The following REEP1 variants were observed in gnomAD, a reference collection of about 807,000 sequenced individuals.
The protein encoded by REEP1 is receptor expression-enhancing protein 1.
In REEP1, 22 loss-of-function variants were observed where a neutral mutation model predicts 40.3. That is an observed-to-expected ratio of 0.55 (90% confidence interval 0.39 to 0.78). The LOEUF (loss-of-function observed/expected upper bound fraction) is 0.78. Among genes scored for constraint, REEP1 ranks in the 30% least tolerant of loss-of-function variants. REEP1 has a pLI of 0.00. For missense variants in REEP1, 280 were observed against 361.1 expected (o/e 0.78, Z 1.82); for synonymous variants, 116 against 139.2 (o/e 0.83, Z 1.17).
Position 86,219,989 on chromosome 2 carries a change from C to T in REEP1, c.764G>A (p.Arg255Lys), listed in dbSNP as rs371463001. The change falls in exon 8 of 9, where the codon AGG becomes AAG. Residue 255 changes from arginine (R) to lysine (K), a missense_variant. This residue lies in a region of REEP1 where 201 missense variants were observed against 238.5 expected (regional missense o/e 0.84). Transcript: ENST00000538924. ...GTGTACCTCCAGGGGCAATTCCATC[C>T]TTCGAGGTGCTTTATACTTGTACAT... ...DFMYKYKAPR[R>K]MELPLEAPPR... 5.8e-5 allele frequency: 72 copies of T among 1,232,080 alleles called. 2 individuals are homozygous for T. The highest frequency in any genetic ancestry group is 5.7e-4 in the East Asian group (18 of 31,714). 76.3% of individuals were successfully genotyped at this position (1,232,080 alleles called of 1,614,324 possible).
At chr2:86,311,656 G>A (rs1332330379) in intron 1 of REEP1, among the ~76,000 whole-genome samples, 3 of 152,100 alleles carry the variant, frequency 2.0e-5, no homozygotes, top group Non-Finnish European at 4.4e-5. Context: ...TCACTGGATT[G>A]GGACTAACCC....
intron 3 of REEP1, among the ~76,000 whole-genome samples, chr2:86,256,830 T>A (rs1328552736): frequency 1.3e-5 from 2 of 152,186 alleles, no homozygotes; most frequent in Non-Finnish European, 2.9e-5. Flanking sequence ...GATGAGACAG[T>A]CACCTGTCCT....
chr2:86,290,057 C>T (rs1331602715), intron 1 of REEP1, among the ~76,000 whole-genome samples: 1 of 152,132 alleles, frequency 6.6e-6, no homozygotes, highest in East Asian at 1.9e-4. Context: ...AGTGCAGCGG[C>T]ACAATCTCAG....
intron 3 of REEP1, 162 bp from the exon 4 acceptor site, chr2:86,254,976 C>T: frequency 4.3e-6 from 3 of 694,848 alleles, no homozygotes; most frequent in Middle Eastern, 2.6e-4. Flanking sequence ...AGGGCACACA[C>T]TTGCACACAC....
intron 7 of REEP1, among the ~76,000 whole-genome samples, chr2:86,226,847 C>A (rs988551455): frequency 1.3e-5 from 2 of 151,980 alleles, no homozygotes; most frequent in African/African-American, 4.8e-5. Context: ...AATTCTCCTC[C>A]CCTTGAATGT....
intron 1 of REEP1, among the ~76,000 whole-genome samples, chr2:86,302,959 T>C (rs1270259528): frequency 6.6e-6 from 1 of 152,208 alleles, no homozygotes; most frequent in Non-Finnish European, 1.5e-5. Flanking sequence ...CTCACTGAGT[T>C]CAAGTGTAGC....
chr2:86,275,022 C>T (rs928590200), intron 2 of REEP1, among the ~76,000 whole-genome samples: 1 of 152,194 alleles, frequency 6.6e-6, no homozygotes, highest in Non-Finnish European at 1.5e-5. Flanking sequence ...ACTTCTTTAG[C>T]CTCACCTCAC....
At chr2:86,243,850 A>C (rs1675796842) in intron 5 of REEP1, among the ~76,000 whole-genome samples, 1 of 152,238 alleles carries the variant, frequency 6.6e-6, no homozygotes, top group African/African-American at 2.4e-5. Flanking sequence ...GGCTAACTTG[A>C]TGTGAGCTAG....
intron 2 of REEP1, among the ~76,000 whole-genome samples, chr2:86,277,146 G>C (rs751556214): frequency 6.6e-6 from 1 of 152,172 alleles, no homozygotes; most frequent in Non-Finnish European, 1.5e-5. Context: ...GGTGCTAACT[G>C]ATCCTAATTA....
At chr2:86,312,512 T>G (rs1227207265) in intron 1 of REEP1, among the ~76,000 whole-genome samples, 1 of 152,188 alleles carries the variant, frequency 6.6e-6, no homozygotes, top group East Asian at 1.9e-4. Flanking sequence ...ATCAGACAGA[T>G]TTGAATTTGC....
At position 86,258,733 on chromosome 2, in the gene REEP1, T is replaced by C. The variant is rs147740360; in HGVS notation, c.183-3919A>G. On this transcript the variant is annotated intron_variant, in intron 3 of 8. Coordinates refer to ENST00000538924, the MANE Select transcript of REEP1 (RefSeq NM_001371279.1). ...AGAGACAGAGAAAGGCCCTACTCAT[T>C]TTGTAATGAGAACTCCTTGAAGAGC... is the stretch of plus-strand genomic sequence containing the variant. Among the ~76,000 whole-genome samples the C allele has an allele frequency of 4.2e-3, 637 of 152,308 alleles. 10 individuals are homozygous for C. The highest frequency in any genetic ancestry group is 0.015 in the African/African-American group (617 of 41,558).
At chr2:86,238,923 T>C (rs1675510045) in intron 5 of REEP1, among the ~76,000 whole-genome samples, 1 of 152,036 alleles carries the variant, frequency 6.6e-6, no homozygotes. Flanking sequence ...TATACCTTGT[T>C]CATGGCCAGG....
chr2:86,265,925 C>T (rs540380414), intron 2 of REEP1, among the ~76,000 whole-genome samples: 2 of 151,956 alleles, frequency 1.3e-5, no homozygotes, highest in South Asian at 2.1e-4. Context: ...ACTTGTACCC[C>T]CTAAAGCTAT....
In REEP1 at chr2:86,226,105, CCACCACCACCATCAT is replaced by C. The variant is rs1208434363; in HGVS notation, c.631+1243_631+1257del. ...ACCACCACCACCACCACCACCACCA[CCACCACCACCATCAT>C]CACCACCACCACCACCACCATCATC... On this transcript the variant is annotated intron_variant, in intron 7 of 8. Transcript: ENST00000538924. Among the ~76,000 whole-genome samples the C allele has an allele frequency of 5.4e-4, 80 of 147,568 alleles. 1 individual carries two copies. The highest frequency in any genetic ancestry group is 6.4e-4 in the South Asian group (3 of 4,660).
intron 8 of REEP1, among the ~76,000 whole-genome samples, chr2:86,217,965 G>A (rs1674216304): frequency 6.6e-6 from 1 of 151,904 alleles, no homozygotes; most frequent in Non-Finnish European, 1.5e-5. Flanking sequence ...AGCACTTGAG[G>A]GGGTTCACAC....
chr2:86,312,957 C>G (rs534030749), intron 1 of REEP1, among the ~76,000 whole-genome samples: 3 of 152,150 alleles, frequency 2.0e-5, no homozygotes, highest in Admixed American at 1.3e-4. Context: ...TCAGTTCAGA[C>G]GGGAACCCCA....
intron 1 of REEP1, among the ~76,000 whole-genome samples, chr2:86,325,945 T>G (rs369896355): frequency 2.0e-5 from 3 of 152,362 alleles, no homozygotes; most frequent in African/African-American, 4.8e-5. Context: ...CTGCCTTCTC[T>G]TCTCTCCAAC....
intron 3 of REEP1, among the ~76,000 whole-genome samples, chr2:86,256,702 T>C (rs1019027850): frequency 2.0e-5 from 3 of 152,168 alleles, no homozygotes; most frequent in Non-Finnish European, 4.4e-5. Flanking sequence ...TGTGCCTCTG[T>C]TTCTAGGAAT....
Position 86,219,954 on chromosome 2 carries a change from C to T in REEP1, c.783+16G>A. Reference sequence around the variant, plus strand: ...GGACAAACACACTCCAACCCACAGCCCCAGACACTGTGTACCTCCAGGGGC... The same window carrying T: ...GGACAAACACACTCCAACCCACAGCTCCAGACACTGTGTACCTCCAGGGGC... On this transcript the variant is annotated intron_variant, in intron 8 of 8. Transcript: ENST00000538924. 8.1e-7 allele frequency: 1 copy of T among 1,232,102 alleles called. No homozygotes were observed. The highest frequency in any genetic ancestry group is 1.0e-6 in the Non-Finnish European group (1 of 987,968). 76.3% of individuals were successfully genotyped at this position (1,232,102 alleles called of 1,614,324 possible). A position where few individuals can be genotyped will look rare whatever the true frequency, so the allele number is the denominator to read the frequency against.
Sources: gnomAD v4.1 joint callset for allele counts (sites outside exome capture counted in the v4.1 genomes callset) on GRCh38, gnomAD v4.1.1 for gene constraint, gnomAD v4.1.1 regional missense constraint, MANE v1.5 for transcripts, NCBI Gene and HGNC (gene_info 2026-07-23, HGNC 2026-07-21) for gene names.